The following ZC3H6 variants were observed in gnomAD, a reference collection of about 807,000 sequenced individuals.
The protein encoded by ZC3H6 is zinc finger CCCH-type containing 6.
ZC3H6 carries 40 observed loss-of-function variants against 107.7 expected under a neutral mutation model. The observed-to-expected ratio is 0.37, with a 90% CI of 0.29 to 0.48. ZC3H6 has a LOEUF of 0.48. Among genes scored for constraint, ZC3H6 ranks in the 20% least tolerant of loss-of-function variants. The pLI, the probability that ZC3H6 is intolerant of heterozygous loss-of-function variation, is 0.98. For missense variants in ZC3H6, 1,267 were observed against 1,410.4 expected (o/e 0.90, Z 1.63); for synonymous variants, 493 against 487.9 (o/e 1.01, Z -0.14).
At chr2:112,330,271 T>C (rs899743736) in intron 11 of ZC3H6, among the ~76,000 whole-genome samples, 2 of 152,110 alleles carry the variant, frequency 1.3e-5, no homozygotes, top group Admixed American at 1.3e-4. Context: ...GCCAGGATGG[T>C]CTCGATCTCA....
chr2:112,331,947 G>A lies in ZC3H6; in HGVS notation c.3029G>A (p.Gly1010Glu), dbSNP rs201184893. 8.3e-5 allele frequency: 134 copies of A among 1,613,944 alleles called. No homozygotes were observed. The African/African-American group carries it at 1.5e-3, about 18-fold the overall frequency. ...AACCCTGGTTCATCACAGCCCTCAG[G>A]GGCAGGAACTAGCAATTCTGGTTCC... Reference protein sequence around the residue: ...RSNPGSSQPSGAGTSNSGSGA... With the variant: ...RSNPGSSQPSEAGTSNSGSGA... Residue 1010 changes from glycine (G) to glutamate (E), a missense_variant, in exon 12 of 12, where the codon GGG becomes GAG. Around this residue, in one of 3 missense-constraint regions of ZC3H6, gnomAD observed 925 missense variants for 1,025.7 expected, o/e 0.90. Coordinates refer to ENST00000409871, the MANE Select transcript of ZC3H6 (RefSeq NM_198581.3).
intron 1 of ZC3H6, among the ~76,000 whole-genome samples, chr2:112,289,404 A>G (rs1256849923): frequency 6.7e-6 from 1 of 149,530 alleles, no homozygotes; most frequent in Non-Finnish European, 1.5e-5. Flanking sequence ...GGCTCACTAC[A>G]AGCTCCGCCT....
intron 3 of ZC3H6, among the ~76,000 whole-genome samples, chr2:112,309,310 T>C (rs1676550769): frequency 6.6e-6 from 1 of 152,220 alleles, no homozygotes; most frequent in South Asian, 2.1e-4. Context: ...ATAAAACTAA[T>C]CATGTTTGTT....
intron 1 of ZC3H6, among the ~76,000 whole-genome samples, chr2:112,288,566 G>GGTA: frequency 6.6e-6 from 1 of 152,184 alleles, no homozygotes; most frequent in African/African-American, 2.4e-5. Context: ...TGTTCATATA[G>GGTA]GTAGTACTTT....
rs1231534679 is a variant in ZC3H6, at chr2:112,317,201, T to TC, written c.865-20_865-19insC. ...TTCTTACCTTTTTTTCTTTTTTCTT[T>TC]TTTTTTTTTTTGTGAATAGGGAGAT... On this transcript the variant is annotated intron_variant, in intron 6 of 11. Transcript: ENST00000409871. 5.7e-6 allele frequency: 7 copies of TC among 1,228,448 alleles called. No homozygotes were observed. In the African/African-American group the frequency reaches 7.8e-5, roughly 14 times the overall value. The allele number at this position is 1,228,448 out of a possible 1,614,324, so 76.1% of individuals were successfully genotyped here.
In ZC3H6 at chr2:112,331,812, T is replaced by C. The variant is rs1485878496; in HGVS notation, c.2894T>C (p.Leu965Pro). Residue 965 changes from leucine (L) to proline (P), a missense_variant, in exon 12 of 12, where the codon CTA becomes CCA. Coordinates refer to ENST00000409871, the MANE Select transcript of ZC3H6 (RefSeq NM_198581.3). ...GSGAKLGDPR[L>P]QKNFDPRLHR... ...GGAGCTAAATTAGGAGATCCTAGAC[T>C]ACAAAAAAATTTTGATCCTAGGCTT... The C allele has an allele frequency of 1.9e-6, 3 of 1,613,614 alleles. No individual in the cohort carries two copies. The highest frequency in any genetic ancestry group is 2.7e-5 in the African/African-American group (2 of 74,906).
chr2:112,311,309 A>T (rs970550412), intron 4 of ZC3H6, among the ~76,000 whole-genome samples: 3 of 152,172 alleles, frequency 2.0e-5, no homozygotes, highest in Non-Finnish European at 4.4e-5. Context: ...AGAAAAACTA[A>T]TTTTTGTAAT....
rs1177092318 is a variant in ZC3H6 at position 112,331,141 on chromosome 2, T to C, written c.2223T>C (p.Thr741=). 1 of 1,613,642 alleles carries C rather than the reference T, an allele frequency of 6.2e-7. No homozygotes were observed. Among genetic ancestry groups the C allele is most frequent in the East Asian group, 2.2e-5 (1 of 44,878 alleles). Residue 741 remains threonine (T), a synonymous_variant, in exon 12 of 12, where the codon ACT becomes ACC. Coordinates refer to ENST00000409871, the MANE Select transcript of ZC3H6 (RefSeq NM_198581.3). ...QQPSTELSTP[T]DPRLAKEKSK... ...CTTCCACAGAACTCAGCACTCCTAC[T>C]GATCCAAGACTTGCTAAAGAGAAAA...
At chr2:112,313,348 T>C (rs1042437148) in intron 5 of ZC3H6, among the ~76,000 whole-genome samples, 8 of 152,314 alleles carry the variant, frequency 5.3e-5, no homozygotes, top group African/African-American at 1.4e-4. Context: ...TAGAATATGC[T>C]GATTTCCCTA....
intron 1 of ZC3H6, among the ~76,000 whole-genome samples, chr2:112,277,252 G>A (rs930315825): frequency 2.0e-5 from 3 of 152,100 alleles, no homozygotes; most frequent in African/African-American, 4.8e-5. Flanking sequence ...TGATAAGCTT[G>A]CACTTGGCAC....
intron 3 of ZC3H6, among the ~76,000 whole-genome samples, chr2:112,306,784 GT>G (rs1384699854): frequency 6.6e-6 from 1 of 152,122 alleles, no homozygotes; most frequent in Non-Finnish European, 1.5e-5. Flanking sequence ...TGAGGATGGG[GT>G]TTACTAAGCT....
intron 1 of ZC3H6, among the ~76,000 whole-genome samples, chr2:112,288,060 A>G (rs1395016093): frequency 5.3e-5 from 8 of 152,174 alleles, no homozygotes; most frequent in African/African-American, 1.9e-4. Context: ...GTCATACTCC[A>G]TTTTATGTTT....
rs1378605653 is a variant in ZC3H6, at chr2:112,331,840, C to T, written c.2922C>T (p.His974=). The T allele has an allele frequency of 1.2e-6, 2 of 1,613,876 alleles. No individual in the cohort carries two copies. The highest frequency in any genetic ancestry group is 2.7e-5 in the African/African-American group (2 of 75,044). ...AAAAAAATTTTGATCCTAGGCTTCACAGACTGCCCAATACAGAGTCTCATC... is the reference window on the plus strand; with the variant it reads ...AAAAAAATTTTGATCCTAGGCTTCATAGACTGCCCAATACAGAGTCTCATC... ...RLQKNFDPRL[H]RLPNTESHQV... Residue 974 remains histidine, a synonymous_variant, in exon 12 of 12, where the codon CAC becomes CAT. Transcript: ENST00000409871.
chr2:112,331,356 G>A lies in ZC3H6; in HGVS notation c.2438G>A (p.Gly813Asp), dbSNP rs200789851. 3.2e-5 allele frequency: 51 copies of A among 1,613,742 alleles called. No homozygotes were observed. The highest frequency in any genetic ancestry group is 1.6e-4 in the Middle Eastern group (1 of 6,062). The change falls in exon 12 of 12, where the codon GGC becomes GAC. Residue 813 changes from glycine to aspartate, a missense_variant. Transcript: ENST00000409871. ...TTTGATTTGCATCATGCAAATGCTG[G>A]CACTAATGTCAAACACAAAAGAGGC... ...AKFDLHHANA[G>D]TNVKHKRGDD...
chr2:112,307,921 G>A lies in ZC3H6; in HGVS notation c.337-1964G>A, dbSNP rs1345051304. ...TAAGAATTTAAAACTTGTATGAGAA[G>A]CATCTAATCTCCAGAGAAAAATTGA... On this transcript the variant is annotated intron_variant, in intron 3 of 11. Transcript: ENST00000409871. 2.6e-5 allele frequency among the ~76,000 whole-genome samples: 4 copies of A among 152,210 alleles called. No homozygotes were observed. The East Asian group carries it at 7.7e-4, about 29-fold the overall frequency.
chr2:112,339,117 C>G lies in ZC3H6; in HGVS notation c.*6629C>G, dbSNP rs1032836210. ...CCATGTTGGCCAGGCTGATTTCGAACTCCTGACCTCAAATGATCCACCGAC... is the reference window on the plus strand; with the variant it reads ...CCATGTTGGCCAGGCTGATTTCGAAGTCCTGACCTCAAATGATCCACCGAC... On this transcript the variant is annotated 3_prime_UTR_variant, in exon 12 of 12. Coordinates refer to ENST00000409871, the MANE Select transcript of ZC3H6 (RefSeq NM_198581.3). The G allele has an allele frequency of 3.3e-5, 5 of 151,874 alleles. No homozygotes were observed. Among genetic ancestry groups the G allele is most frequent in the South Asian group, 2.1e-4 (1 of 4,820 alleles). The allele number at this position is 151,874 out of a possible 1,614,324, so 9.4% of individuals were successfully genotyped here. A position where few individuals can be genotyped will look rare whatever the true frequency, so the allele number is the denominator to read the frequency against.
At position 112,333,641 on chromosome 2, in the gene ZC3H6, T is replaced by C. The variant is rs1019869293; in HGVS notation, c.*1153T>C. ...ATTCATTCTTGTGTATTTATTACAA[T>C]ATATAAATAATGGCAACTCTTTGTT... On this transcript the variant is annotated 3_prime_UTR_variant, in exon 12 of 12. Transcript: ENST00000409871. The C allele has an allele frequency of 5.3e-5, 8 of 152,172 alleles. No homozygotes were observed. The highest frequency in any genetic ancestry group is 1.9e-4 in the African/African-American group (8 of 41,468). The allele number at this position is 152,172 out of a possible 1,614,324, so 9.4% of individuals were successfully genotyped here. A position where few individuals can be genotyped will look rare whatever the true frequency, so the allele number is the denominator to read the frequency against.
At position 112,332,053 on chromosome 2, in the gene ZC3H6, T is replaced by C. The variant is rs968230003; in HGVS notation, c.3135T>C (p.Gly1045=). The C allele has an allele frequency of 1.2e-6, 2 of 1,613,982 alleles. No individual in the cohort carries two copies. The highest frequency in any genetic ancestry group is 1.7e-6 in the Non-Finnish European group (2 of 1,179,884). The part of the protein sequence containing the change: ...PLGTSTSVLS[G]ISLYDPRDHG... ...GAACTTCCACTTCAGTTCTTAGTGG[T>C]ATTAGTTTGTATGACCCTAGGGATC... is the stretch of plus-strand genomic sequence containing the variant. The change falls in exon 12 of 12, where the codon GGT becomes GGC. Residue 1045 remains glycine, a synonymous_variant. Transcript: ENST00000409871.
At chr2:112,295,597 C>T (rs867861958) in intron 1 of ZC3H6, among the ~76,000 whole-genome samples, 8 of 152,120 alleles carry the variant, frequency 5.3e-5, no homozygotes, top group Admixed American at 6.5e-5. Flanking sequence ...TTTCCACATG[C>T]GTCCAAAGCT....
Sources: gnomAD v4.1 joint callset for allele counts (sites outside exome capture counted in the v4.1 genomes callset) on GRCh38, gnomAD v4.1.1 for gene constraint, gnomAD v4.1.1 regional missense constraint, MANE v1.5 for transcripts, NCBI Gene and HGNC (gene_info 2026-07-23, HGNC 2026-07-21) for gene names.